Variants in EPHA6 observed in about 807,000 individuals in gnomAD.
The protein encoded by EPHA6 is EPH receptor A6, also known as ephrin type-A receptor 6.
EPHA6 carries 50 observed loss-of-function variants against 112.0 expected under a neutral mutation model. The ratio of observed to expected loss-of-function variants is 0.45; its 90% CI spans 0.36 to 0.56. The LOEUF (loss-of-function observed/expected upper bound fraction) is 0.56, where lower values mean the gene tolerates loss of function less well. Ranked by LOEUF, EPHA6 falls within the 20% of genes least tolerant of loss-of-function variation. The pLI is 0.00. For synonymous variants in EPHA6, 529 were observed against 490.7 expected, an observed-to-expected ratio of 1.08 and a Z score of -1.03; for missense variants, 1,280 against 1,417.4, an observed-to-expected ratio of 0.90 and a Z score of 1.56.
At chr3:97,447,870 C>T in intron 6 of EPHA6, 2 of 751,698 alleles carry the variant, frequency 2.7e-6, no homozygotes, top group Non-Finnish European at 3.3e-6. Flanking sequence ...TCCAGTGCTT[C>T]TTCATGGGCA....
chr3:97,444,484 C>T (rs942293907), intron 6 of EPHA6, among the ~76,000 whole-genome samples: 1 of 152,102 alleles, frequency 6.6e-6, no homozygotes, highest in Non-Finnish European at 1.5e-5. Context: ...TTGGTGATTA[C>T]GTAAGCTACA....
chr3:97,188,637 T>C (rs1345566152), intron 3 of EPHA6, among the ~76,000 whole-genome samples: 1 of 151,762 alleles, frequency 6.6e-6, no homozygotes, highest in Admixed American at 6.6e-5. Flanking sequence ...ATCATATGTT[T>C]GAAATATTTC....
At chr3:97,088,849 A>G (rs975266130) in intron 3 of EPHA6, among the ~76,000 whole-genome samples, 13 of 152,140 alleles carry the variant, frequency 8.5e-5, no homozygotes, top group South Asian at 2.1e-4. Flanking sequence ...TTATTGCTCA[A>G]CATTCCATAT....
intron 5 of EPHA6, among the ~76,000 whole-genome samples, chr3:97,304,218 A>G (rs927677914): frequency 1.3e-5 from 2 of 151,846 alleles, no homozygotes; most frequent in African/African-American, 4.8e-5. Context: ...CTCTCTTCCT[A>G]TTTGAATACC....
chr3:96,823,267 T>A (rs2033408768), intron 1 of EPHA6, among the ~76,000 whole-genome samples: 1 of 151,720 alleles, frequency 6.6e-6, no homozygotes, highest in Non-Finnish European at 1.5e-5. Context: ...GTAAAATTGA[T>A]TTTTAAATAC....
chr3:97,472,262 A>G (rs2091250604), intron 7 of EPHA6, among the ~76,000 whole-genome samples: 1 of 151,718 alleles, frequency 6.6e-6, no homozygotes, highest in African/African-American at 2.4e-5. Flanking sequence ...ATAAAAAGTA[A>G]TTTCAATAAA....
At chr3:97,358,292 T>A (rs2084188800) in intron 5 of EPHA6, among the ~76,000 whole-genome samples, 1 of 152,106 alleles carries the variant, frequency 6.6e-6, no homozygotes, top group South Asian at 2.1e-4. Context: ...CATCCTGAAG[T>A]TACAACACTC....
At chr3:97,033,413 A>G (rs1395862241) in intron 3 of EPHA6, among the ~76,000 whole-genome samples, 1 of 152,008 alleles carries the variant, frequency 6.6e-6, no homozygotes, top group African/African-American at 2.4e-5. Context: ...CAGCACGAGT[A>G]AAGAATGAAG....
intron 3 of EPHA6, among the ~76,000 whole-genome samples, chr3:97,106,276 GA>G (rs2047565319): frequency 6.6e-6 from 1 of 151,970 alleles, no homozygotes; most frequent in African/African-American, 2.4e-5. Context: ...TGATACTGAG[GA>G]AACTCCTTCA....
intron 5 of EPHA6, among the ~76,000 whole-genome samples, chr3:97,362,596 T>C (rs942572874): frequency 2.6e-5 from 4 of 152,114 alleles, no homozygotes; most frequent in Non-Finnish European, 5.9e-5. Flanking sequence ...TTGTTTAATT[T>C]AATGTTGGAA....
intron 5 of EPHA6, among the ~76,000 whole-genome samples, chr3:97,379,216 C>T (rs1306259126): frequency 6.6e-6 from 1 of 152,060 alleles, no homozygotes; most frequent in African/African-American, 2.4e-5. Flanking sequence ...CCTTTCAGCT[C>T]CCATCATGAT....
intron 5 of EPHA6, among the ~76,000 whole-genome samples, chr3:97,270,883 A>G (rs1317400225): frequency 6.6e-6 from 1 of 152,204 alleles, no homozygotes; most frequent in African/African-American, 2.4e-5. Flanking sequence ...CAGAAAGCCT[A>G]GAAGTAACTC....
At chr3:96,895,143 A>G (rs1294497381) in intron 2 of EPHA6, among the ~76,000 whole-genome samples, 1 of 152,166 alleles carries the variant, frequency 6.6e-6, no homozygotes, top group African/African-American at 2.4e-5. Context: ...TGGCAGTTTC[A>G]TGCCTGCTTT....
intron 2 of EPHA6, among the ~76,000 whole-genome samples, chr3:96,881,234 T>C (rs9874440): frequency 0.048 from 7,252 of 152,210 alleles, 509 homozygotes; most frequent in African/African-American, 0.15. Context: ...AATTGATAAA[T>C]CATTGTATTA....
chr3:97,054,966 T>C (rs2045806666), intron 3 of EPHA6, among the ~76,000 whole-genome samples: 2 of 152,086 alleles, frequency 1.3e-5, no homozygotes, highest in Non-Finnish European at 2.9e-5. Flanking sequence ...TTTCCCCCCT[T>C]TGGGAAATAA....
chr3:96,937,764 C>T (rs1164518608), intron 2 of EPHA6, among the ~76,000 whole-genome samples: 1 of 151,950 alleles, frequency 6.6e-6, no homozygotes, highest in Non-Finnish European at 1.5e-5. Flanking sequence ...GTCTTTAATC[C>T]ATCTTGAATT....
chr3:96,815,121 C>A, intron 1 of EPHA6, 113 bp downstream of exon 1: 2 of 1,069,788 alleles, frequency 1.9e-6, no homozygotes, highest in Non-Finnish European at 2.6e-6. Flanking sequence ...AGTCTCCTGG[C>A]TCGCCACACG....
At chr3:97,079,606 T>TAAAAAAA (rs71113851) in intron 3 of EPHA6, among the ~76,000 whole-genome samples, 34 of 113,270 alleles carry the variant, frequency 3.0e-4, no homozygotes, top group Non-Finnish European at 2.9e-4. Context: ...AAATTAAAAG[T>TAAAAAAA]AAAAAAAAAA....
chr3:97,688,479 A>G (rs1576290529), intron 14 of EPHA6, among the ~76,000 whole-genome samples: 1 of 151,370 alleles, frequency 6.6e-6, no homozygotes, highest in South Asian at 2.1e-4. Context: ...ACTATCGCAG[A>G]AAACCAAACA....
Sources: allele counts gnomAD v4.1 joint callset (sites outside exome capture counted in the v4.1 genomes callset), GRCh38; gene constraint gnomAD v4.1.1; transcripts MANE v1.5; gene names NCBI Gene and HGNC (gene_info 2026-07-23, HGNC 2026-07-21).